Variants in SHQ1 observed in about 807,000 individuals in gnomAD.
The protein encoded by SHQ1 is protein SHQ1 homolog.
A neutral mutation model predicts 53.8 loss-of-function variants in SHQ1; 49 were observed. The ratio of observed to expected loss-of-function variants is 0.91; its 90% CI spans 0.72 to 1.16. The LOEUF is 1.16. Among genes scored for constraint, SHQ1 ranks in the 50% most tolerant of loss-of-function variants. The pLI is 0.00. For synonymous variants in SHQ1, 243 were observed against 251.0 expected (o/e 0.97, Z 0.30); for missense variants, 738 against 683.1 (o/e 1.08, Z -0.90).
At chr3:72,824,379 T>A in intron 6 of SHQ1, 45 bp downstream of exon 6, 4 of 1,601,532 alleles carry the variant, frequency 2.5e-6, no homozygotes, top group Non-Finnish European at 3.4e-6. Flanking sequence ...TGGTACACCA[T>A]GAGATTTTAA....
At chr3:72,808,692 G>C (rs1707029338) in intron 9 of SHQ1, among the ~76,000 whole-genome samples, 1 of 152,030 alleles carries the variant, frequency 6.6e-6, no homozygotes, top group Admixed American at 6.6e-5. Context: ...TAAATTATGG[G>C]GTGTCCGAAC....
At chr3:72,820,701 C>T (rs1707450582) in intron 6 of SHQ1, among the ~76,000 whole-genome samples, 1 of 152,206 alleles carries the variant, frequency 6.6e-6, no homozygotes, top group Non-Finnish European at 1.5e-5. Context: ...GACTTAGCTA[C>T]ACTACAAAGC....
chr3:72,778,658 C>G (rs577046930), intron 10 of SHQ1, among the ~76,000 whole-genome samples: 1 of 152,150 alleles, frequency 6.6e-6, no homozygotes, highest in South Asian at 2.1e-4. Context: ...AAAACACATA[C>G]AAACGGCAAA....
At chr3:72,803,784 T>C (rs750206039) in intron 9 of SHQ1, among the ~76,000 whole-genome samples, 1 of 152,214 alleles carries the variant, frequency 6.6e-6, no homozygotes, top group African/African-American at 2.4e-5. Context: ...GACTCTAAAA[T>C]GAGAATTTCA....
chr3:72,838,012 C>T (rs1326059903), intron 4 of SHQ1, among the ~76,000 whole-genome samples: 1 of 152,180 alleles, frequency 6.6e-6, no homozygotes, highest in African/African-American at 2.4e-5. Flanking sequence ...TATCCAAATC[C>T]CCTGGAGCAA....
At chr3:72,822,052 T>C (rs1707493908) in intron 6 of SHQ1, among the ~76,000 whole-genome samples, 1 of 152,218 alleles carries the variant, frequency 6.6e-6, no homozygotes, top group African/African-American at 2.4e-5. Context: ...GGATTTTAAA[T>C]ACATCGTTTC....
chr3:72,830,170 T>C (rs1707783541), intron 5 of SHQ1, among the ~76,000 whole-genome samples: 1 of 152,096 alleles, frequency 6.6e-6, no homozygotes, highest in African/African-American at 2.4e-5. Flanking sequence ...TAAAAGACTT[T>C]TAAATAACAA....
intron 9 of SHQ1, chr3:72,794,105 A>T (rs1218403024): frequency 6.6e-6 from 1 of 152,232 alleles, no homozygotes; most frequent in Non-Finnish European, 1.5e-5. Context: ...TGTGAAATTC[A>T]GTATTTTCAG....
At chr3:72,756,448 G>T (rs763914866) in intron 10 of SHQ1, among the ~76,000 whole-genome samples, 16 of 151,238 alleles carry the variant, frequency 1.1e-4, no homozygotes, top group Non-Finnish European at 2.1e-4. Flanking sequence ...GCTAATTTTT[G>T]TTATTTTTAG....
At chr3:72,813,992 A>G (rs992508338) in intron 8 of SHQ1, among the ~76,000 whole-genome samples, 1 of 152,024 alleles carries the variant, frequency 6.6e-6, no homozygotes, top group African/African-American at 2.4e-5. Context: ...AACACTAAAC[A>G]AAAGAAAATT....
chr3:72,765,018 A>G (rs898714982), intron 10 of SHQ1, among the ~76,000 whole-genome samples: 1 of 152,142 alleles, frequency 6.6e-6, no homozygotes, highest in African/African-American at 2.4e-5. Flanking sequence ...ATGAATCTCC[A>G]CCTTGCATTT....
At chr3:72,812,938 T>C (rs1024977603) in intron 8 of SHQ1, 144 bp from the exon 9 acceptor site, 11 of 831,594 alleles carry the variant, frequency 1.3e-5, no homozygotes, top group Admixed American at 5.8e-5. Flanking sequence ...CATAAAACCA[T>C]GAAATAAGAT....
the SHQ1 span, among the ~76,000 whole-genome samples, chr3:72,742,675 G>C: frequency 7.1e-6 from 1 of 140,470 alleles, no homozygotes; most frequent in Non-Finnish European, 1.5e-5. Context: ...GGAGTGCAGT[G>C]GCATAATCTC....
At chr3:72,792,278 C>G (rs372012711) in intron 10 of SHQ1, among the ~76,000 whole-genome samples, 1 of 152,240 alleles carries the variant, frequency 6.6e-6, no homozygotes, top group East Asian at 1.9e-4. Context: ...GATACCCAGT[C>G]TTGAGATTTC....
intron 1 of SHQ1, 102 bp downstream of exon 1, chr3:72,848,096 G>A: frequency 7.1e-7 from 1 of 1,406,424 alleles, no homozygotes; most frequent in Non-Finnish European, 9.9e-7. Flanking sequence ...TCGGGAAAAG[G>A]CATTCGCGCA....
intron 1 of SHQ1, 38 bp from the exon 2 acceptor site, chr3:72,844,461 T>C: frequency 6.5e-7 from 1 of 1,536,696 alleles, no homozygotes; most frequent in Non-Finnish European, 9.0e-7. Context: ...GTCCTTAAAT[T>C]ATAACGTAAC....
the SHQ1 span, among the ~76,000 whole-genome samples, chr3:72,733,596 T>A: frequency 6.6e-6 from 1 of 151,224 alleles, no homozygotes; most frequent in Admixed American, 6.6e-5. Context: ...CTTTATTCCC[T>A]CCCCCTTGAG....
chr3:72,765,314 T>C (rs1705695840), intron 10 of SHQ1, among the ~76,000 whole-genome samples: 1 of 152,036 alleles, frequency 6.6e-6, no homozygotes, highest in Non-Finnish European at 1.5e-5. Context: ...ACCACTTGCC[T>C]GTCTCCTCAG....
downstream of SHQ1, among the ~76,000 whole-genome samples, chr3:72,748,969 A>ACG (rs1208579145): frequency 2.3e-3 from 295 of 126,294 alleles, 1 homozygote; most frequent in African/African-American, 0.01. Context: ...ACACACGCAC[A>ACG]CGCACACACA....
Sources: allele counts gnomAD v4.1 joint callset (sites outside exome capture counted in the v4.1 genomes callset), GRCh38; gene constraint gnomAD v4.1.1; transcripts MANE v1.5; gene names NCBI Gene and HGNC (gene_info 2026-07-23, HGNC 2026-07-21).